The following NOL10 variants were observed in gnomAD, a reference collection of about 807,000 sequenced individuals.
NOL10 encodes the protein H_NH0074G24.1.
Under a neutral mutation model 103.5 loss-of-function variants are expected in NOL10, and 58 were observed. The ratio of observed to expected loss-of-function variants is 0.56; its 90% CI spans 0.45 to 0.70. NOL10 has a LOEUF of 0.70. NOL10 is among the 30% of genes least tolerant of loss of function. The pLI, the probability that NOL10 is intolerant of heterozygous loss-of-function variation, is 0.00. For missense variants in NOL10, 763 were observed against 807.3 expected (o/e 0.95, Z 0.67); for synonymous variants, 287 against 282.5 (o/e 1.02, Z -0.16).
intron 1 of NOL10, 22 bp from the exon 2 acceptor site, chr2:10,684,634 T>G: frequency 6.5e-7 from 1 of 1,544,216 alleles, no homozygotes. Context: ...TGAAGAGAGT[T>G]TATTTTAAAA....
At position 10,644,390 on chromosome 2, in the gene NOL10, GA is replaced by G; in HGVS notation, c.974-19del. 6 of 1,522,986 alleles carry G rather than the reference GA, an allele frequency of 3.9e-6. No individual in the cohort carries two copies. The highest frequency in any genetic ancestry group is 2.5e-5 in the South Asian group (2 of 79,090). The allele number at this position is 1,522,986 out of a possible 1,614,324, so 94.3% of individuals were successfully genotyped here. A position where few individuals can be genotyped will look rare whatever the true frequency, so the allele number is the denominator to read the frequency against. ...AAGCATGCCTAAAAATAAATACAAT[GA>G]AAAAGGTCAATGCATAGGAAAAAGA... On this transcript the variant is annotated intron_variant, in intron 12 of 20. Transcript: ENST00000381685.
chr2:10,581,042 T>C (rs1445246545), intron 19 of NOL10, among the ~76,000 whole-genome samples: 1 of 152,232 alleles, frequency 6.6e-6, no homozygotes, highest in Non-Finnish European at 1.5e-5. Flanking sequence ...ACATATGCCA[T>C]AAGGTTTAGT....
At position 10,572,022 on chromosome 2, in the gene NOL10, T is replaced by C. The variant is rs539733755; in HGVS notation, c.*49A>G. 7 of 1,604,462 alleles carry C rather than the reference T, an allele frequency of 4.4e-6. No individual in the cohort carries two copies. Among genetic ancestry groups the C allele is most frequent in the African/African-American group, 1.3e-5 (1 of 74,614 alleles). ...GTTTAACACCCTAACGATGATCAGT[T>C]TGGGGGAGACGTACCCCTCCCTAAT... On this transcript the variant is annotated 3_prime_UTR_variant, in exon 21 of 21. Coordinates refer to ENST00000381685, the MANE Select transcript of NOL10 (RefSeq NM_024894.4).
At chr2:10,661,330 C>A (rs550019444) in intron 9 of NOL10, among the ~76,000 whole-genome samples, 2 of 152,242 alleles carry the variant, frequency 1.3e-5, no homozygotes, top group South Asian at 4.1e-4. Flanking sequence ...CTGCCTCAGC[C>A]TCCCAAAGTG....
chr2:10,602,033 A>G (rs1294769106), intron 16 of NOL10, among the ~76,000 whole-genome samples: 2 of 152,244 alleles, frequency 1.3e-5, no homozygotes, highest in African/African-American at 2.4e-5. Context: ...CTCTGTCTAC[A>G]CTGGCATCAC....
chr2:10,663,126 GGAGGCC>G (rs1410873603), intron 8 of NOL10, 82 bp from the exon 9 acceptor site: 6 of 1,120,120 alleles, frequency 5.4e-6, no homozygotes, highest in Non-Finnish European at 8.0e-6. Flanking sequence ...CAGCACTTTG[GGAGGCC>G]GAGGCGGGCT....
chr2:10,685,555 A>T (rs928211761), intron 1 of NOL10, among the ~76,000 whole-genome samples: 1 of 150,112 alleles, frequency 6.7e-6, no homozygotes, highest in Non-Finnish European at 1.5e-5. Flanking sequence ...AAACTAACGA[A>T]AATAAATTTA....
At chr2:10,584,243 G>A (rs1236753312) in intron 19 of NOL10, among the ~76,000 whole-genome samples, 2 of 152,190 alleles carry the variant, frequency 1.3e-5, no homozygotes, top group African/African-American at 4.8e-5. Context: ...CAGGTACGCA[G>A]GCCATGTCGT....
chr2:10,587,914 A>G (rs1675201073), intron 19 of NOL10, among the ~76,000 whole-genome samples: 1 of 152,102 alleles, frequency 6.6e-6, no homozygotes. Flanking sequence ...AAGGTACAGA[A>G]ATGTACTGAC....
At chr2:10,633,098 C>T (rs1030838326) in intron 13 of NOL10, among the ~76,000 whole-genome samples, 7 of 152,168 alleles carry the variant, frequency 4.6e-5, no homozygotes, top group Admixed American at 2.6e-4. Context: ...CTGACAGAAC[C>T]AGGAAAACTT....
intron 20 of NOL10, 55 bp from the exon 21 acceptor site, chr2:10,572,245 T>C (rs1674217391): frequency 1.3e-6 from 2 of 1,595,346 alleles, no homozygotes; most frequent in Admixed American, 3.4e-5. Context: ...TATACCTCTT[T>C]TCTGGTAACC....
intron 12 of NOL10, among the ~76,000 whole-genome samples, chr2:10,650,258 T>A (rs1679369128): frequency 6.6e-6 from 1 of 152,162 alleles, no homozygotes; most frequent in Admixed American, 6.5e-5. Flanking sequence ...ACTCCTGGGC[T>A]CAAGCGATCC....
chr2:10,634,223 A>G (rs1678034802), intron 13 of NOL10, among the ~76,000 whole-genome samples: 1 of 152,240 alleles, frequency 6.6e-6, no homozygotes, highest in Admixed American at 6.5e-5. Flanking sequence ...AAGATCAGTT[A>G]TCCAGTATTA....
At chr2:10,622,175 T>C (rs1258730494) in intron 13 of NOL10, 2 of 319,294 alleles carry the variant, frequency 6.3e-6, no homozygotes, top group Non-Finnish European at 1.3e-5. Flanking sequence ...TGGTAAACAG[T>C]TAACACAGGA....
Position 10,582,186 on chromosome 2 carries a change from T to G in NOL10, c.1845-4448A>C, listed in dbSNP as rs577858315. Among the ~76,000 whole-genome samples, 8 of 152,340 alleles carry G rather than the reference T, an allele frequency of 5.3e-5. No individual in the cohort carries two copies. The South Asian group carries it at 1.7e-3, about 32-fold the overall frequency. Reference sequence around the variant, plus strand: ...GCTCTTATCCACTATCAGAGGAATGTGAGCTGAAGAGTAAAAACATGCCAT... The same window carrying G: ...GCTCTTATCCACTATCAGAGGAATGGGAGCTGAAGAGTAAAAACATGCCAT... On this transcript the variant is annotated intron_variant, in intron 19 of 20. Transcript: ENST00000381685.
intron 10 of NOL10, among the ~76,000 whole-genome samples, chr2:10,658,452 T>C (rs562929846): frequency 1.3e-5 from 2 of 152,202 alleles, no homozygotes; most frequent in African/African-American, 4.8e-5. Context: ...AGACCTCTTG[T>C]AGGAGGCAAG....
At position 10,587,387 on chromosome 2, in the gene NOL10, C is replaced by T. The variant is rs370156099; in HGVS notation, c.1844+1656G>A. 4.0e-4 allele frequency among the ~76,000 whole-genome samples: 59 copies of T among 148,350 alleles called. No homozygotes were observed. In the East Asian group the frequency reaches 0.01, roughly 26 times the overall value. The stretch of plus-strand genomic sequence containing the variant: ...CCGGGTCCAAGCAATTCTCCTGCCT[C>T]AGCCTCCTGAGTAGCTGGGACTACA... On this transcript the variant is annotated intron_variant, in intron 19 of 20. Coordinates refer to ENST00000381685, the MANE Select transcript of NOL10 (RefSeq NM_024894.4).
At chr2:10,590,067 T>C (rs1675314630) in intron 17 of NOL10, among the ~76,000 whole-genome samples, 1 of 96,224 alleles carries the variant, frequency 1.0e-5, no homozygotes, top group South Asian at 2.6e-4. Flanking sequence ...ATTAACATTT[T>C]AATGCAAAAA....
At chr2:10,582,399 G>A (rs141272694) in intron 19 of NOL10, among the ~76,000 whole-genome samples, 2 of 152,278 alleles carry the variant, frequency 1.3e-5, no homozygotes, top group African/African-American at 4.8e-5. Flanking sequence ...AAGGCTGCCT[G>A]GCAGCTAATA....
Sources: allele counts gnomAD v4.1 joint callset (sites outside exome capture counted in the v4.1 genomes callset), GRCh38; gene constraint gnomAD v4.1.1; transcripts MANE v1.5; gene names NCBI Gene and HGNC (gene_info 2026-07-23, HGNC 2026-07-21).